Variants in MYBPC1 observed in about 807,000 individuals in gnomAD.
MYBPC1 encodes the protein myosin binding protein C1.
A neutral mutation model predicts 147.1 loss-of-function variants in MYBPC1; 52 were observed. That is an observed-to-expected ratio of 0.35 (90% CI 0.28 to 0.45). MYBPC1 has a LOEUF of 0.45. MYBPC1 is among the 20% of genes least tolerant of loss of function. The pLI, the probability that MYBPC1 is intolerant of heterozygous loss-of-function variation, is 1.00. For missense variants in MYBPC1, 1,228 were observed against 1,440.3 expected (o/e 0.85, Z 2.39); for synonymous variants, 477 against 475.9 (o/e 1.00, Z -0.03).
Position 101,631,696 on chromosome 12 carries a change from G to A in MYBPC1, c.415G>A (p.Glu139Lys). 1.2e-6 allele frequency: 2 copies of A among 1,614,186 alleles called. No homozygotes were observed. Among genetic ancestry groups the A allele is most frequent in the Non-Finnish European group, 1.7e-6 (2 of 1,180,042 alleles). The change falls in exon 7 of 32, where the codon GAA (glutamate) becomes AAA (lysine). Residue 139 changes from glutamate to lysine, a missense_variant. Physicochemically the swap from Glu to Lys is moderately conservative, Grantham distance 56. Around this residue, in one of 2 missense-constraint regions of MYBPC1, gnomAD observed 1,077 missense variants for 1,314.2 expected, o/e 0.82. Transcript: ENST00000361466. ...SKAGKHLQLK[E>K]TFERHSRVYT... ...AGCCGGGAAGCACCTTCAGCTGAAG[G>A]AAACCTTTGAGAGGCACAGTCGGGT...
chr12:101,694,747 C>G, the MYBPC1 span, among the ~76,000 whole-genome samples: 1 of 109,896 alleles, frequency 9.1e-6, no homozygotes, highest in Non-Finnish European at 1.8e-5. Context: ...TCCAAGCTGA[C>G]TAATACATCT....
At chr12:101,668,026 AATGCTTC>A in intron 23 of MYBPC1, 127 bp downstream of exon 23, 1 of 373,812 alleles carries the variant, frequency 2.7e-6, no homozygotes, top group Non-Finnish European at 4.3e-6. Flanking sequence ...TTAATGCTTT[AATGCTTC>A]CTAAGAGTTA....
At chr12:101,633,125 A>G (rs1890244677) in intron 8 of MYBPC1, among the ~76,000 whole-genome samples, 1 of 152,184 alleles carries the variant, frequency 6.6e-6, no homozygotes, top group Admixed American at 6.5e-5. Flanking sequence ...TACTTATTCT[A>G]CATTTGGAGT....
chr12:101,692,694 A>G, the MYBPC1 span, among the ~76,000 whole-genome samples: 1 of 152,216 alleles, frequency 6.6e-6, no homozygotes, highest in East Asian at 1.9e-4. Context: ...CATTGTATAT[A>G]TCAATCACTA....
At chr12:101,668,628 T>A (rs60827809) in intron 23 of MYBPC1, among the ~76,000 whole-genome samples, 1,680 of 152,006 alleles carry the variant, frequency 0.011, 19 homozygotes, top group African/African-American at 0.038. Context: ...GCCTGGCTAA[T>A]TTTTTTGGTA....
intron 2 of MYBPC1, among the ~76,000 whole-genome samples, chr12:101,616,736 G>A (rs1886183538): frequency 6.6e-6 from 1 of 152,054 alleles, no homozygotes; most frequent in Non-Finnish European, 1.5e-5. Flanking sequence ...TTTCTTTGAA[G>A]CAACATACAC....
intron 1 of MYBPC1, among the ~76,000 whole-genome samples, chr12:101,597,459 G>T (rs1488603884): frequency 6.6e-6 from 1 of 152,188 alleles, no homozygotes; most frequent in Admixed American, 6.5e-5. Context: ...GCACCTGAAG[G>T]TACAAAAAAT....
intron 22 of MYBPC1, among the ~76,000 whole-genome samples, chr12:101,664,799 G>A (rs754594626): frequency 1.2e-4 from 18 of 152,186 alleles, no homozygotes; most frequent in East Asian, 1.9e-4. Context: ...CAGTGGAAAC[G>A]TCAGAAATTT....
At chr12:101,649,030 G>A (rs1005791973) in intron 14 of MYBPC1, among the ~76,000 whole-genome samples, 2 of 152,162 alleles carry the variant, frequency 1.3e-5, no homozygotes, top group African/African-American at 2.4e-5. Flanking sequence ...TCTTGAGTGC[G>A]AGCAGGTGGC....
chr12:101,629,565 C>A, intron 6 of MYBPC1, 21 bp downstream of exon 6: 2 of 1,555,914 alleles, frequency 1.3e-6, no homozygotes, highest in Non-Finnish European at 1.8e-6. Context: ...AGCATTCAAT[C>A]CTTCCTTTTT....
At chr12:101,643,042 T>C (rs1041696883) in intron 11 of MYBPC1, among the ~76,000 whole-genome samples, 9 of 152,134 alleles carry the variant, frequency 5.9e-5, no homozygotes, top group Admixed American at 2.0e-4. Flanking sequence ...CAGTTTATTG[T>C]GGTCTGAAAT....
chr12:101,651,613 TATTCAA>T (rs1894471809), intron 16 of MYBPC1, among the ~76,000 whole-genome samples: 1 of 152,222 alleles, frequency 6.6e-6, no homozygotes, highest in Non-Finnish European at 1.5e-5. Context: ...GTACTTTGTC[TATTCAA>T]AATCCATTGA....
intron 22 of MYBPC1, 123 bp downstream of exon 22, chr12:101,663,683 AC>A: frequency 8.8e-7 from 1 of 1,135,696 alleles, no homozygotes; most frequent in Non-Finnish European, 1.3e-6. Flanking sequence ...ATCAAGCCAA[AC>A]GTCATCCTTC....
intron 18 of MYBPC1, among the ~76,000 whole-genome samples, chr12:101,653,534 A>G (rs1894961446): frequency 6.6e-6 from 1 of 152,236 alleles, no homozygotes; most frequent in African/African-American, 2.4e-5. Flanking sequence ...GGGATGAAAA[A>G]GAAAATGAAT....
intron 30 of MYBPC1, among the ~76,000 whole-genome samples, chr12:101,683,155 C>T (rs1248615475): frequency 6.7e-6 from 1 of 149,856 alleles, no homozygotes; most frequent in Non-Finnish European, 1.5e-5. Flanking sequence ...AGAGGCTGGG[C>T]GTGATGGTTC....
chr12:101,621,439 G>A (rs986710166), intron 3 of MYBPC1, among the ~76,000 whole-genome samples: 3 of 152,094 alleles, frequency 2.0e-5, no homozygotes, highest in Admixed American at 6.6e-5. Flanking sequence ...TAAATTAACC[G>A]AATGCCTCAA....
intron 21 of MYBPC1, among the ~76,000 whole-genome samples, chr12:101,662,864 G>A (rs1169978616): frequency 6.6e-6 from 1 of 152,160 alleles, no homozygotes; most frequent in Non-Finnish European, 1.5e-5. Context: ...TTGCCCTTCT[G>A]AAGGTATTAA....
At chr12:101,649,684 A>G (rs1297569378) in intron 15 of MYBPC1, among the ~76,000 whole-genome samples, 1 of 152,206 alleles carries the variant, frequency 6.6e-6, no homozygotes, top group Non-Finnish European at 1.5e-5. Flanking sequence ...TAATTCCAAG[A>G]CCGTAAAAAT....
chr12:101,632,882 A>C lies in MYBPC1; in HGVS notation c.556+744A>C, dbSNP rs541992320. On this transcript the variant is annotated intron_variant, in intron 8 of 31. Transcript: ENST00000361466. ...ATAGCTGGGATTACAGGCGTGTGCC[A>C]CCACACCTGGCTAATTTTGCTGGGG... Among the ~76,000 whole-genome samples the C allele has an allele frequency of 3.3e-5, 5 of 152,230 alleles. No individual in the cohort carries two copies. In the South Asian group the frequency reaches 1.0e-3, roughly 32 times the overall value.
Sources: gnomAD v4.1 joint callset for allele counts (sites outside exome capture counted in the v4.1 genomes callset) on GRCh38, gnomAD v4.1.1 for gene constraint, gnomAD v4.1.1 regional missense constraint, MANE v1.5 for transcripts, NCBI Gene and HGNC (gene_info 2026-07-23, HGNC 2026-07-21) for gene names.